ASXL2: variants seen among roughly 807,000 people sequenced by gnomAD.
ASXL2 encodes the protein ASXL transcriptional regulator 2.
A neutral mutation model predicts 122.0 loss-of-function variants in ASXL2; 23 were observed. That is an observed-to-expected ratio of 0.19 (90% CI 0.14 to 0.27). The LOEUF (loss-of-function observed/expected upper bound fraction) is 0.27. ASXL2 is among the 10% of genes least tolerant of loss of function. ASXL2 has a pLI of 1.00. For missense variants in ASXL2, 1,518 were observed against 1,713.8 expected (o/e 0.89, Z 2.02); for synonymous variants, 650 against 637.0 (o/e 1.02, Z -0.31).
intron 1 of ASXL2, among the ~76,000 whole-genome samples, chr2:25,862,223 G>A (rs1433712424): frequency 6.6e-6 from 1 of 152,106 alleles, no homozygotes. Flanking sequence ...TCAATAAGGA[G>A]GGCTAACAAA....
At chr2:25,745,527 C>T (rs1227244971) in intron 12 of ASXL2, among the ~76,000 whole-genome samples, 1 of 104,958 alleles carries the variant, frequency 9.5e-6, no homozygotes, top group African/African-American at 3.9e-5. Context: ...AAAGCCTGGC[C>T]AACACAGTGA....
At position 25,741,102 on chromosome 2, in the gene ASXL2, G is replaced by C. The variant is rs2087819301; in HGVS notation, c.*927C>G. On this transcript the variant is annotated 3_prime_UTR_variant, in exon 13 of 13. Coordinates refer to ENST00000435504, the MANE Select transcript of ASXL2 (RefSeq NM_018263.6). ...TGGTTTCACTCCCCTTGCTCAACAAGATGTAGCTCAAATCACCCAATCACT... is the reference window on the plus strand; with the variant it reads ...TGGTTTCACTCCCCTTGCTCAACAACATGTAGCTCAAATCACCCAATCACT... The C allele has an allele frequency of 5.0e-6, 1 of 200,176 alleles. No homozygotes were observed. Among genetic ancestry groups the C allele is most frequent in the South Asian group, 1.9e-4 (1 of 5,246 alleles). 12.4% of individuals were successfully genotyped at this position (200,176 alleles called of 1,614,324 possible). A position where few individuals can be genotyped will look rare whatever the true frequency, so the allele number is the denominator to read the frequency against.
chr2:25,753,992 T>C (rs2088090208), intron 10 of ASXL2, among the ~76,000 whole-genome samples: 1 of 152,228 alleles, frequency 6.6e-6, no homozygotes. Flanking sequence ...AAAAGTGATG[T>C]GCTTTCAATA....
rs1355146538 is a variant in ASXL2, at chr2:25,867,257, T to C, written c.57+10909A>G. Among the ~76,000 whole-genome samples the C allele has an allele frequency of 3.9e-5, 6 of 152,038 alleles. No homozygotes were observed. In the East Asian group the frequency reaches 7.7e-4, roughly 20 times the overall value. ...TATCTAAAAAAAAATGAGAATTGTATTGTGCTACAGAGTATTCCAAGACCT... is the reference window on the plus strand; with the variant it reads ...TATCTAAAAAAAAATGAGAATTGTACTGTGCTACAGAGTATTCCAAGACCT... On this transcript the variant is annotated intron_variant, in intron 1 of 12. Coordinates refer to ENST00000435504, the MANE Select transcript of ASXL2 (RefSeq NM_018263.6).
At chr2:25,836,301 A>G (rs930373739) in intron 2 of ASXL2, among the ~76,000 whole-genome samples, 1 of 152,216 alleles carries the variant, frequency 6.6e-6, no homozygotes, top group Non-Finnish European at 1.5e-5. Context: ...TAGATATATT[A>G]TCAATACAAA....
At chr2:25,812,357 G>A (rs1436482579) in intron 3 of ASXL2, among the ~76,000 whole-genome samples, 2 of 152,012 alleles carry the variant, frequency 1.3e-5, no homozygotes, top group East Asian at 3.9e-4. Flanking sequence ...CTACTCGGAA[G>A]GCTGAGGCAG....
chr2:25,777,602 G>T (rs1318300482), intron 5 of ASXL2, among the ~76,000 whole-genome samples: 1 of 151,782 alleles, frequency 6.6e-6, no homozygotes, highest in Non-Finnish European at 1.5e-5. Context: ...AAAAAAAAGA[G>T]ACTTAAAGAT....
rs1413771261 is a variant in ASXL2 at position 25,758,675 on chromosome 2, C to CT, written c.939+806dup. Among the ~76,000 whole-genome samples, 154 of 133,926 alleles carry CT rather than the reference C, an allele frequency of 1.1e-3. 1 individual carries two copies. The highest frequency in any genetic ancestry group is 4.0e-3 in the African/African-American group (139 of 34,352). 87.9% of individuals were successfully genotyped at this position (133,926 alleles called of 152,430 possible). Reference sequence around the variant, plus strand: ...AAACCTTTGGCATTTCTTTTTGCTACTTTTGTTTTTTTTTTTTTTTAAGTA... The same window carrying CT: ...AAACCTTTGGCATTTCTTTTTGCTACTTTTTGTTTTTTTTTTTTTTTAAGTA... On this transcript the variant is annotated intron_variant, in intron 9 of 12. Coordinates refer to ENST00000435504, the MANE Select transcript of ASXL2 (RefSeq NM_018263.6).
Position 25,811,002 on chromosome 2 carries a change from G to A in ASXL2, c.144-4665C>T, listed in dbSNP as rs1199597596. On this transcript the variant is annotated intron_variant, in intron 3 of 12. Coordinates refer to ENST00000435504, the MANE Select transcript of ASXL2 (RefSeq NM_018263.6). ...AGCACTTTGGGAGGCTGAGGCGGGT[G>A]GATCTCTTGAGTCTAGTCTGAGCAA... 4.0e-5 allele frequency among the ~76,000 whole-genome samples: 6 copies of A among 150,786 alleles called. No individual in the cohort carries two copies. The East Asian group carries it at 1.2e-3, about 29-fold the overall frequency.
At chr2:25,825,109 C>A (rs2089361286) in intron 3 of ASXL2, among the ~76,000 whole-genome samples, 2 of 152,176 alleles carry the variant, frequency 1.3e-5, no homozygotes, top group Admixed American at 6.5e-5. Context: ...TTCTTAACCA[C>A]CCATCACTGT....
intron 9 of ASXL2, 45 bp from the exon 10 acceptor site, chr2:25,756,159 A>C: frequency 7.8e-7 from 1 of 1,284,684 alleles, no homozygotes; most frequent in Non-Finnish European, 1.1e-6. Flanking sequence ...AGAAAGTGAA[A>C]GGTATCACGT....
chr2:25,855,972 C>T (rs2089772714), intron 1 of ASXL2, among the ~76,000 whole-genome samples: 1 of 151,888 alleles, frequency 6.6e-6, no homozygotes, highest in Non-Finnish European at 1.5e-5. Flanking sequence ...CAGCTCACCA[C>T]AGCCTCCGTC....
chr2:25,740,657 C>G lies in ASXL2; in HGVS notation c.*1372G>C, dbSNP rs1358497624. The G allele has an allele frequency of 4.4e-6, 1 of 226,458 alleles. No individual in the cohort carries two copies. The highest frequency in any genetic ancestry group is 8.8e-6 in the Non-Finnish European group (1 of 113,950). 14.0% of individuals were successfully genotyped at this position (226,458 alleles called of 1,614,324 possible). On this transcript the variant is annotated 3_prime_UTR_variant, in exon 13 of 13. Transcript: ENST00000435504. ...AAAGGAAACAAGAAAGAAAAAGAAA[C>G]AAAAACAAGCAACCAAAAAACCTTT...
chr2:25,872,884 T>A (rs1024877899), intron 1 of ASXL2, among the ~76,000 whole-genome samples: 13 of 151,638 alleles, frequency 8.6e-5, no homozygotes, highest in African/African-American at 2.2e-4. Context: ...TCAGGAGAAT[T>A]TTTTTTTTCC....
intron 1 of ASXL2, among the ~76,000 whole-genome samples, chr2:25,867,191 C>T (rs1356299414): frequency 2.6e-5 from 4 of 152,194 alleles, no homozygotes; most frequent in Non-Finnish European, 2.9e-5. Flanking sequence ...TGAGCCACCG[C>T]GCCTGGCACT....
At chr2:25,863,489 A>G (rs182712988) in intron 1 of ASXL2, among the ~76,000 whole-genome samples, 7 of 150,798 alleles carry the variant, frequency 4.6e-5, no homozygotes, top group Admixed American at 4.0e-4. Context: ...TCAGCAGATC[A>G]AGACCATCCT....
intron 1 of ASXL2, among the ~76,000 whole-genome samples, chr2:25,858,548 C>T (rs2089807250): frequency 6.6e-6 from 1 of 151,578 alleles, no homozygotes; most frequent in Admixed American, 6.6e-5. Flanking sequence ...CATGGTGAAA[C>T]CCCATCTCTA....
At chr2:25,809,948 G>A (rs1559517708) in intron 3 of ASXL2, 1 of 524,024 alleles carries the variant, frequency 1.9e-6, no homozygotes, top group Non-Finnish European at 3.8e-6. Flanking sequence ...AGGTCAAGCA[G>A]AGTCTGGTCC....
intron 5 of ASXL2, among the ~76,000 whole-genome samples, chr2:25,787,468 A>G (rs1184363621): frequency 6.6e-6 from 1 of 152,216 alleles, no homozygotes; most frequent in South Asian, 2.1e-4. Context: ...TGGGTAATAC[A>G]GTACTTTTTC....
Sources: gnomAD v4.1 joint callset for allele counts (sites outside exome capture counted in the v4.1 genomes callset) on GRCh38, gnomAD v4.1.1 for gene constraint, MANE v1.5 for transcripts, NCBI Gene and HGNC (gene_info 2026-07-23, HGNC 2026-07-21) for gene names.